The following RNLS variants were observed in gnomAD, a reference collection of about 807,000 sequenced individuals.
RNLS encodes renalase, FAD dependent amine oxidase.
RNLS carries 39 observed loss-of-function variants against 39.8 expected under a neutral mutation model. The ratio of observed to expected loss-of-function variants is 0.98; its 90% CI spans 0.76 to 1.28. The LOEUF (loss-of-function observed/expected upper bound fraction) is 1.28. Among genes scored for constraint, RNLS ranks in the 50% most tolerant of loss-of-function variants. The pLI is 0.00. For missense variants in RNLS, 410 were observed against 413.3 expected, an observed-to-expected ratio of 0.99 and a Z score of 0.07; for synonymous variants, 147 against 150.7, an observed-to-expected ratio of 0.98 and a Z score of 0.18.
At chr10:88,177,064 C>G in the RNLS span, among the ~76,000 whole-genome samples, 4 of 152,074 alleles carry the variant, frequency 2.6e-5, no homozygotes, top group East Asian at 5.8e-4. Context: ...TCAGAGAGGT[C>G]CTTTGTGGGT....
the RNLS span, among the ~76,000 whole-genome samples, chr10:88,200,762 C>T: frequency 2.6e-5 from 4 of 152,136 alleles, no homozygotes; most frequent in Non-Finnish European, 4.4e-5. Flanking sequence ...TTGCTGCACC[C>T]ACAGCAACAA....
At chr10:88,540,833 A>G (rs1847997102) in intron 4 of RNLS, among the ~76,000 whole-genome samples, 1 of 152,080 alleles carries the variant, frequency 6.6e-6, no homozygotes, top group African/African-American at 2.4e-5. Context: ...CACACATCAA[A>G]TCTAGATTAG....
At chr10:88,581,351 C>A (rs745363592) in intron 3 of RNLS, among the ~76,000 whole-genome samples, 3 of 146,364 alleles carry the variant, frequency 2.0e-5, no homozygotes, top group Non-Finnish European at 4.5e-5. Context: ...TAAATAGAGA[C>A]AGCCATGTAG....
chr10:88,228,979 C>G, the RNLS span, among the ~76,000 whole-genome samples: 1 of 152,170 alleles, frequency 6.6e-6, no homozygotes, highest in Admixed American at 6.5e-5. Context: ...TGGGCTTCAG[C>G]CTTCAGCTCT....
chr10:88,378,108 C>CA (rs1413715819), intron 4 of RNLS, among the ~76,000 whole-genome samples: 2 of 152,018 alleles, frequency 1.3e-5, no homozygotes, highest in African/African-American at 4.8e-5. Flanking sequence ...AGAAGGTCTT[C>CA]AAGGAGCATT....
the RNLS span, among the ~76,000 whole-genome samples, chr10:88,247,224 C>G: frequency 2.3e-3 from 353 of 152,150 alleles, 1 homozygote; most frequent in African/African-American, 7.9e-3. Flanking sequence ...GAAATGCACA[C>G]AAATGATCAA....
intron 4 of RNLS, among the ~76,000 whole-genome samples, chr10:88,552,989 G>T (rs891927797): frequency 1.3e-5 from 2 of 152,070 alleles, no homozygotes; most frequent in Non-Finnish European, 2.9e-5. Context: ...TACTATTTTA[G>T]GGGGAATAGG....
chr10:88,524,406 C>T (rs1846952621), intron 4 of RNLS, among the ~76,000 whole-genome samples: 2 of 152,090 alleles, frequency 1.3e-5, no homozygotes, highest in Non-Finnish European at 2.9e-5. Context: ...AGGTTCTTAA[C>T]ATTTGTTGAG....
chr10:88,246,978 A>G, the RNLS span, among the ~76,000 whole-genome samples: 1 of 152,232 alleles, frequency 6.6e-6, no homozygotes, highest in Non-Finnish European at 1.5e-5. Context: ...AATGGAAAGC[A>G]GTTGACCCAA....
intron 4 of RNLS, among the ~76,000 whole-genome samples, chr10:88,532,513 T>G (rs1847490158): frequency 6.6e-6 from 1 of 152,036 alleles, no homozygotes; most frequent in Non-Finnish European, 1.5e-5. Flanking sequence ...ACAATAGAAT[T>G]TAGCAAACAC....
chr10:88,405,806 G>C (rs1364797647), intron 4 of RNLS, among the ~76,000 whole-genome samples: 3 of 151,896 alleles, frequency 2.0e-5, no homozygotes, highest in African/African-American at 7.3e-5. Context: ...TTGTATTTTT[G>C]ATTTATAGGT....
chr10:88,506,582 T>G (rs939933707), intron 4 of RNLS, among the ~76,000 whole-genome samples: 1 of 151,354 alleles, frequency 6.6e-6, no homozygotes, highest in African/African-American at 2.4e-5. Context: ...TAAATAAAAT[T>G]TATACATTTA....
chr10:88,298,729 T>C (rs1020265129), intron 6 of RNLS, among the ~76,000 whole-genome samples: 2 of 152,226 alleles, frequency 1.3e-5, no homozygotes, highest in Non-Finnish European at 2.9e-5. Context: ...TTGATTACTG[T>C]AGTTTTGCAG....
chr10:88,302,453 A>G (rs947891532), intron 6 of RNLS, among the ~76,000 whole-genome samples: 5 of 152,236 alleles, frequency 3.3e-5, no homozygotes, highest in Admixed American at 3.3e-4. Context: ...AGGTTGCCAG[A>G]TTCAAAATTG....
Position 88,583,056 on chromosome 10 carries a change from G to T in RNLS, c.118+17C>A, listed in dbSNP as rs1490738421. On this transcript the variant is annotated intron_variant, in intron 1 of 6. Transcript: ENST00000331772. ...GGCAGTCCTCTTTTCCCAGGTTTTG[G>T]CGTTTAGACAACCCACCTGAGTCCT... 6.2e-7 allele frequency: 1 copy of T among 1,606,810 alleles called. No homozygotes were observed. Among genetic ancestry groups the T allele is most frequent in the Non-Finnish European group, 8.5e-7 (1 of 1,175,768 alleles).
the RNLS span, among the ~76,000 whole-genome samples, chr10:88,187,077 A>G: frequency 3.4e-5 from 5 of 148,836 alleles, no homozygotes; most frequent in Admixed American, 3.4e-4. Flanking sequence ...GCACCGCAGG[A>G]GTTGACAGAA....
At chr10:88,227,168 T>C in the RNLS span, among the ~76,000 whole-genome samples, 5 of 152,126 alleles carry the variant, frequency 3.3e-5, no homozygotes, top group Non-Finnish European at 7.4e-5. Context: ...ATAGAACATG[T>C]TTGCTGATTC....
chr10:88,182,883 T>C, the RNLS span, among the ~76,000 whole-genome samples: 6 of 152,016 alleles, frequency 3.9e-5, no homozygotes, highest in African/African-American at 1.4e-4. Context: ...GGCAACCTAG[T>C]ATAGTAAAAA....
chr10:88,523,980 A>G (rs1480876126), intron 4 of RNLS, among the ~76,000 whole-genome samples: 2 of 152,144 alleles, frequency 1.3e-5, no homozygotes, highest in African/African-American at 2.4e-5. Flanking sequence ...CTGGTTAAAC[A>G]TCAGCTTCCT....
Sources: allele counts gnomAD v4.1 joint callset (sites outside exome capture counted in the v4.1 genomes callset), GRCh38; gene constraint gnomAD v4.1.1; transcripts MANE v1.5; gene names NCBI Gene and HGNC (gene_info 2026-07-23, HGNC 2026-07-21).